ADGRL3: variants seen among roughly 807,000 people sequenced by gnomAD.
The protein encoded by ADGRL3 is calcium-independent alpha-latrotoxin receptor 3.
ADGRL3 carries 62 observed loss-of-function variants against 153.5 expected under a neutral mutation model. The ratio of observed to expected loss-of-function variants is 0.40; its 90% CI spans 0.33 to 0.50. The LOEUF (loss-of-function observed/expected upper bound fraction) is 0.50. Among genes scored for constraint, ADGRL3 ranks in the 20% least tolerant of loss-of-function variants. The probability of loss-of-function intolerance (pLI) is 0.47; values close to 1 mark genes in which losing one functional copy is unlikely to be tolerated. For synonymous variants in ADGRL3, 710 were observed against 672.5 expected (o/e 1.06, Z -0.86); for missense variants, 1,641 against 1,859.4 (o/e 0.88, Z 2.16).
chr4:61,890,727 G>A (rs1011958147), intron 9 of ADGRL3, among the ~76,000 whole-genome samples: 9 of 152,106 alleles, frequency 5.9e-5, no homozygotes, highest in Non-Finnish European at 1.0e-4. Flanking sequence ...CATGAACTTT[G>A]GGGGACGCAT....
At chr4:61,455,144 A>T (rs577512725) in intron 2 of ADGRL3, among the ~76,000 whole-genome samples, 1 of 152,138 alleles carries the variant, frequency 6.6e-6, no homozygotes, top group African/African-American at 2.4e-5. Context: ...TTGGAGTAGG[A>T]AAAGATATTT....
intron 2 of ADGRL3, among the ~76,000 whole-genome samples, chr4:61,419,621 G>A (rs969816509): frequency 6.6e-6 from 1 of 152,118 alleles, no homozygotes; most frequent in African/African-American, 2.4e-5. Flanking sequence ...CACAGACAGT[G>A]GCCCCTGGAA....
intron 2 of ADGRL3, among the ~76,000 whole-genome samples, chr4:61,475,545 C>CTAA (rs1208914668): frequency 6.6e-6 from 1 of 152,070 alleles, no homozygotes; most frequent in Non-Finnish European, 1.5e-5. Context: ...GTTAGCAAAG[C>CTAA]CACTCTGATT....
intron 8 of ADGRL3, among the ~76,000 whole-genome samples, chr4:61,750,053 G>A (rs1397007739): frequency 1.3e-5 from 2 of 151,450 alleles, no homozygotes; most frequent in Non-Finnish European, 2.9e-5. Flanking sequence ...TCTTTAAGTG[G>A]AGCTGAACCG....
At chr4:61,810,573 G>T (rs1375803485) in intron 8 of ADGRL3, among the ~76,000 whole-genome samples, 1 of 152,100 alleles carries the variant, frequency 6.6e-6, no homozygotes, top group African/African-American at 2.4e-5. Flanking sequence ...AGTAGAAATT[G>T]CACAGGGTTT....
chr4:61,313,620 G>A (rs990870209), intron 1 of ADGRL3, among the ~76,000 whole-genome samples: 30 of 152,118 alleles, frequency 2.0e-4, no homozygotes, highest in African/African-American at 6.5e-4. Flanking sequence ...CAGAGTAAGT[G>A]ATGTAAATAA....
intron 9 of ADGRL3, among the ~76,000 whole-genome samples, chr4:61,833,504 TA>T (rs1045911865): frequency 3.9e-5 from 6 of 151,926 alleles, no homozygotes; most frequent in Non-Finnish European, 8.8e-5. Flanking sequence ...AGGTCAGAGA[TA>T]AAATCATAGG....
intron 25 of ADGRL3, among the ~76,000 whole-genome samples, chr4:62,047,892 C>A (rs1356189644): frequency 1.3e-5 from 2 of 152,020 alleles, no homozygotes; most frequent in Admixed American, 1.3e-4. Flanking sequence ...ACTATGTGCA[C>A]AAGTAGAAGG....
intron 18 of ADGRL3, 97 bp downstream of exon 18, chr4:61,979,869 C>G (rs2099061488): frequency 7.7e-6 from 8 of 1,038,232 alleles, no homozygotes; most frequent in Non-Finnish European, 1.0e-5. Flanking sequence ...AGTATCATTT[C>G]TTCTAGTCAT....
At chr4:61,286,905 C>T (rs562205553) in intron 1 of ADGRL3, among the ~76,000 whole-genome samples, 14 of 151,700 alleles carry the variant, frequency 9.2e-5, no homozygotes, top group African/African-American at 3.4e-4. Context: ...TTTCTCTTTT[C>T]AAATTTCAAA....
intron 5 of ADGRL3, among the ~76,000 whole-genome samples, chr4:61,608,917 T>G (rs184688719): frequency 4.7e-4 from 71 of 152,314 alleles, no homozygotes; most frequent in Non-Finnish European, 9.7e-4. Context: ...AATTAATATT[T>G]CACTGACTAT....
At chr4:61,592,617 A>G (rs1268223720) in intron 5 of ADGRL3, among the ~76,000 whole-genome samples, 2 of 152,144 alleles carry the variant, frequency 1.3e-5, no homozygotes, top group East Asian at 1.9e-4. Flanking sequence ...GAAATTTCCT[A>G]TATGGAGGGC....
At chr4:61,598,197 G>A (rs1005683149) in intron 5 of ADGRL3, among the ~76,000 whole-genome samples, 16 of 151,968 alleles carry the variant, frequency 1.1e-4, no homozygotes, top group African/African-American at 3.9e-4. Flanking sequence ...AACATATGTA[G>A]TATAATTTTT....
At chr4:61,797,295 G>A (rs1476515395) in intron 8 of ADGRL3, among the ~76,000 whole-genome samples, 2 of 152,222 alleles carry the variant, frequency 1.3e-5, no homozygotes, top group African/African-American at 4.8e-5. Context: ...ATGTTTCAAA[G>A]TATCAATTGT....
chr4:61,623,118 G>A (rs1204454374), intron 5 of ADGRL3, among the ~76,000 whole-genome samples: 2 of 152,066 alleles, frequency 1.3e-5, no homozygotes, highest in African/African-American at 4.8e-5. Context: ...ACAATGGCCT[G>A]GAATAACACG....
chr4:61,624,324 A>G (rs1333996652), intron 5 of ADGRL3, among the ~76,000 whole-genome samples: 1 of 152,148 alleles, frequency 6.6e-6, no homozygotes, highest in Non-Finnish European at 1.5e-5. Context: ...TAAGGGAGCT[A>G]TGATAGCATT....
chr4:61,805,773 T>A (rs2097546897), intron 8 of ADGRL3, among the ~76,000 whole-genome samples: 1 of 152,170 alleles, frequency 6.6e-6, no homozygotes, highest in African/African-American at 2.4e-5. Flanking sequence ...GGAGAGTATT[T>A]TTAAATAGCT....
chr4:61,473,209 TTG>T (rs35633555), intron 2 of ADGRL3, among the ~76,000 whole-genome samples: 5,888 of 149,144 alleles, frequency 0.039, 406 homozygotes, highest in African/African-American at 0.14. Context: ...TTGTATGTGT[TTG>T]TGTGTGTGTG....
At chr4:61,964,495 A>G (rs887620565) in intron 17 of ADGRL3, among the ~76,000 whole-genome samples, 1 of 152,102 alleles carries the variant, frequency 6.6e-6, no homozygotes, top group Non-Finnish European at 1.5e-5. Context: ...CCTTGGGTTT[A>G]GAAGTGACAG....
Sources: gnomAD v4.1 joint callset for allele counts (sites outside exome capture counted in the v4.1 genomes callset) on GRCh38, gnomAD v4.1.1 for gene constraint, MANE v1.5 for transcripts, NCBI Gene and HGNC (gene_info 2026-07-23, HGNC 2026-07-21) for gene names.